USP38: variants seen among roughly 807,000 people sequenced by gnomAD.
USP38 encodes the protein ubiquitin specific peptidase 38.
Under a neutral mutation model 94.3 loss-of-function variants are expected in USP38, and 49 were observed. The ratio of observed to expected loss-of-function variants is 0.52; its 90% CI spans 0.41 to 0.66. USP38 has a LOEUF of 0.66. Ranked by LOEUF, USP38 falls within the 30% of genes least tolerant of loss-of-function variation. The pLI is 0.00. For synonymous variants in USP38, 468 were observed against 463.6 expected, an observed-to-expected ratio of 1.01 and a Z score of -0.12; for missense variants, 1,128 against 1,229.4, an observed-to-expected ratio of 0.92 and a Z score of 1.23.
At chr4:143,186,934 C>T (rs1359128714) in intron 1 of USP38, among the ~76,000 whole-genome samples, 1 of 152,184 alleles carries the variant, frequency 6.6e-6, no homozygotes. Context: ...GACTGTGTGG[C>T]TGTTCAAATT....
At position 143,214,024 on chromosome 4, in the gene USP38, A is replaced by C. The variant is rs1732108794; in HGVS notation, c.2048A>C (p.Asn683Thr). The C allele has an allele frequency of 7.4e-6, 12 of 1,613,622 alleles. No individual in the cohort carries two copies. The highest frequency in any genetic ancestry group is 1.0e-5 in the Non-Finnish European group (12 of 1,179,818). The change falls in exon 9 of 10, where the codon AAT (asparagine) becomes ACT (threonine). Residue 683 changes from asparagine to threonine, a missense_variant. Physicochemically the swap from Asn to Thr is moderately conservative, Grantham distance 65. Transcript: ENST00000307017. ...GAAAAAACCATAGGCAGTCCTCCTA[A>C]TGAGTTTTACTGTTCTGAAAACACT... ...VNEKTIGSPP[N>T]EFYCSENTSV...
At chr4:143,191,000 C>T (rs1048021550) in intron 2 of USP38, among the ~76,000 whole-genome samples, 1 of 151,780 alleles carries the variant, frequency 6.6e-6, no homozygotes, top group African/African-American at 2.4e-5. Flanking sequence ...TTTTTTTCTA[C>T]GGGGAGTTGT....
intron 2 of USP38, among the ~76,000 whole-genome samples, chr4:143,190,655 TA>T (rs1236730935): frequency 1.3e-5 from 2 of 152,150 alleles, no homozygotes; most frequent in African/African-American, 2.4e-5. Flanking sequence ...TTAACATAAT[TA>T]ATAAGTCCTT....
chr4:143,213,470 T>G, intron 8 of USP38, 111 bp from the exon 9 acceptor site: 1 of 1,204,058 alleles, frequency 8.3e-7, no homozygotes, highest in Non-Finnish European at 1.1e-6. Context: ...AAACCTGATT[T>G]GTTTACATTA....
Position 143,196,237 on chromosome 4 carries a change from C to T in USP38, c.948+392C>T, listed in dbSNP as rs185668407. 3.9e-4 allele frequency among the ~76,000 whole-genome samples: 59 copies of T among 152,212 alleles called. 1 individual carries two copies. The East Asian group carries it at 8.1e-3, about 21-fold the overall frequency. ...ACGAGAATGACTTGAATCTGAGAGGCAGAGGTTGCAGTGAGCCAAGATAGC... is the reference window on the plus strand; with the variant it reads ...ACGAGAATGACTTGAATCTGAGAGGTAGAGGTTGCAGTGAGCCAAGATAGC... On this transcript the variant is annotated intron_variant, in intron 3 of 9. Transcript: ENST00000307017.
Position 143,220,501 on chromosome 4 carries a change from T to G in USP38, c.*45T>G. 6.7e-7 allele frequency: 1 copy of G among 1,489,740 alleles called. No individual in the cohort carries two copies. The highest frequency in any genetic ancestry group is 2.2e-5 in the Admixed American group (1 of 44,570). 92.3% of individuals were successfully genotyped at this position (1,489,740 alleles called of 1,614,324 possible). On this transcript the variant is annotated 3_prime_UTR_variant, in exon 10 of 10. Transcript: ENST00000307017. The stretch of plus-strand genomic sequence containing the variant: ...GCACTGGTCACGAAACGTCTAATAC[T>G]ATGACTGTTAAAATGTCAGACTATA...
chr4:143,211,471 G>A (rs1040421813), intron 7 of USP38, among the ~76,000 whole-genome samples: 2 of 152,114 alleles, frequency 1.3e-5, no homozygotes, highest in Non-Finnish European at 2.9e-5. Context: ...ATGCAAGCAA[G>A]CAGCAGGGTT....
intron 4 of USP38, among the ~76,000 whole-genome samples, chr4:143,201,600 G>A (rs1731716069): frequency 1.3e-5 from 2 of 152,068 alleles, no homozygotes; most frequent in Admixed American, 6.6e-5. Flanking sequence ...TTCATCATAA[G>A]TTTAGAATAT....
At chr4:143,208,166 G>A (rs1731923905) in intron 6 of USP38, among the ~76,000 whole-genome samples, 2 of 151,986 alleles carry the variant, frequency 1.3e-5, no homozygotes, top group South Asian at 2.1e-4. Flanking sequence ...CCATATTGGG[G>A]CAATACAGAT....
intron 3 of USP38, 36 bp downstream of exon 3, chr4:143,195,881 G>A: frequency 6.5e-7 from 1 of 1,544,102 alleles, no homozygotes; most frequent in South Asian, 1.2e-5. Context: ...AGAATATATA[G>A]ACTCATAAAA....
intron 4 of USP38, among the ~76,000 whole-genome samples, chr4:143,200,838 A>C (rs756093478): frequency 6.6e-6 from 1 of 152,182 alleles, no homozygotes; most frequent in African/African-American, 2.4e-5. Context: ...AAAGATCTCT[A>C]CAATGAGAAA....
chr4:143,212,422 C>T lies in USP38; in HGVS notation c.1602C>T (p.Asp534=), dbSNP rs1397033173. Residue 534 remains aspartate, a splice_region_variant and synonymous_variant, in exon 8 of 10, where the codon GAC becomes GAT. Transcript: ENST00000307017. ...DCSEYLRFLL[D]RLHEEEKILK... is the part of the protein sequence containing the mutation. ...CTGAATACCTCAGATTTCTCCTTGACAGGTAAAAAGTATTCTTAAAATTGT... is the reference window on the plus strand; with the variant it reads ...CTGAATACCTCAGATTTCTCCTTGATAGGTAAAAAGTATTCTTAAAATTGT... 2 of 1,588,174 alleles carry T rather than the reference C, an allele frequency of 1.3e-6. No individual in the cohort carries two copies. Among genetic ancestry groups the T allele is most frequent in the Middle Eastern group, 1.7e-4 (1 of 5,964 alleles).
At chr4:143,187,088 T>G (rs1372101152) in intron 1 of USP38, among the ~76,000 whole-genome samples, 2 of 150,894 alleles carry the variant, frequency 1.3e-5, no homozygotes, top group Non-Finnish European at 3.0e-5. Flanking sequence ...AGTTGGTTTG[T>G]TTTTTTTTCT....
intron 3 of USP38, among the ~76,000 whole-genome samples, chr4:143,196,751 T>G (rs974678990): frequency 6.6e-6 from 1 of 152,246 alleles, no homozygotes; most frequent in East Asian, 1.9e-4. Context: ...GAACTCCATA[T>G]TCATGTATCC....
intron 5 of USP38, chr4:143,204,351 G>T (rs111452643): frequency 0.011 from 5,084 of 446,898 alleles, 109 homozygotes; most frequent in African/African-American, 0.06. Flanking sequence ...TATTTGTGGA[G>T]TTATACTGTG....
At chr4:143,187,743 T>C in intron 1 of USP38, 83 bp from the exon 2 acceptor site, 5 of 691,014 alleles carry the variant, frequency 7.2e-6, no homozygotes, top group Non-Finnish European at 9.9e-6. Flanking sequence ...CTGCAATGAC[T>C]TTTTTTTTTT....
At chr4:143,216,729 G>A (rs1343416165) in intron 9 of USP38, among the ~76,000 whole-genome samples, 1 of 151,920 alleles carries the variant, frequency 6.6e-6, no homozygotes, top group Non-Finnish European at 1.5e-5. Flanking sequence ...TCCCTCCTCG[G>A]CCTCCCAAAG....
intron 2 of USP38, 55 bp from the exon 3 acceptor site, chr4:143,195,661 C>A: frequency 1.3e-6 from 2 of 1,525,838 alleles, no homozygotes; most frequent in South Asian, 1.3e-5. Context: ...CTTGTTATCA[C>A]TAACTAAATG....
At chr4:143,199,793 G>A (rs536798849) in intron 4 of USP38, among the ~76,000 whole-genome samples, 22 of 152,154 alleles carry the variant, frequency 1.4e-4, no homozygotes, top group South Asian at 4.2e-4. Context: ...TTTGAAAAGC[G>A]TCTGTTCATG....
Sources: allele counts gnomAD v4.1 joint callset (sites outside exome capture counted in the v4.1 genomes callset), GRCh38; gene constraint gnomAD v4.1.1; transcripts MANE v1.5; gene names NCBI Gene and HGNC (gene_info 2026-07-23, HGNC 2026-07-21).